The following EFCAB14 variants were observed in gnomAD, a reference collection of about 807,000 sequenced individuals.
EFCAB14 encodes EF-hand calcium binding domain 14, also known as EF-hand calcium-binding domain-containing protein 14.
A neutral mutation model predicts 56.5 loss-of-function variants in EFCAB14; 43 were observed. The observed-to-expected ratio is 0.76, with a 90% CI of 0.60 to 0.98. The LOEUF is 0.98. EFCAB14 is among the 50% of genes least tolerant of loss of function. The pLI is 0.00. For synonymous variants in EFCAB14, 235 were observed against 212.9 expected (o/e 1.10, Z -0.90); for missense variants, 538 against 580.3 (o/e 0.93, Z 0.75).
At chr1:46,683,559 G>T in intron 9 of EFCAB14, 134 bp from the exon 10 acceptor site, 1 of 947,948 alleles carries the variant, frequency 1.1e-6, no homozygotes. Flanking sequence ...AAGTAGCATA[G>T]TGACTATGTG....
intron 2 of EFCAB14, among the ~76,000 whole-genome samples, chr1:46,711,375 G>A (rs999131715): frequency 6.6e-5 from 10 of 152,210 alleles, no homozygotes; most frequent in African/African-American, 1.4e-4. Context: ...CAGTCTATAC[G>A]CATGAACTAG....
intron 2 of EFCAB14, among the ~76,000 whole-genome samples, chr1:46,714,428 CTA>C (rs1677355593): frequency 1.5e-5 from 2 of 131,178 alleles, no homozygotes; most frequent in Non-Finnish European, 1.6e-5. Context: ...TTCAGTGTTG[CTA>C]AAAAAAAAAA....
At chr1:46,709,958 A>T (rs1342851955) in intron 2 of EFCAB14, among the ~76,000 whole-genome samples, 1 of 152,198 alleles carries the variant, frequency 6.6e-6, no homozygotes, top group Non-Finnish European at 1.5e-5. Context: ...ACCGCACTCC[A>T]GCCTGTGCGG....
rs962417923 is a variant in EFCAB14, at chr1:46,688,682, T to C, written c.796-138A>G. The C allele has an allele frequency of 5.2e-6, 4 of 770,332 alleles. No individual in the cohort carries two copies. The African/African-American group carries it at 7.0e-5, about 14-fold the overall frequency. The allele number at this position is 770,332 out of a possible 1,614,324, so 47.7% of individuals were successfully genotyped here. Reference sequence around the variant, plus strand: ...CCTGGTTTTGACCATCAATCGTCTGTCTTTGCTTTGTCCCTCGCACTCTAA... The same window carrying C: ...CCTGGTTTTGACCATCAATCGTCTGCCTTTGCTTTGTCCCTCGCACTCTAA... On this transcript the variant is annotated intron_variant, in intron 6 of 10. Coordinates refer to ENST00000371933, the MANE Select transcript of EFCAB14 (RefSeq NM_014774.3).
chr1:46,685,095 C>T (rs191533325), intron 8 of EFCAB14: 9 of 152,708 alleles, frequency 5.9e-5, no homozygotes, highest in African/African-American at 1.9e-4. Context: ...CAAGTTTTCC[C>T]CTGATCTTTC....
intron 3 of EFCAB14, among the ~76,000 whole-genome samples, chr1:46,697,272 G>A (rs1164290495): frequency 6.6e-6 from 1 of 152,168 alleles, no homozygotes; most frequent in East Asian, 1.9e-4. Context: ...AATACTCACT[G>A]ACTCACTGAC....
rs1446118623 is a variant in EFCAB14 at position 46,718,014 on chromosome 1, C to A, written c.74G>T (p.Gly25Val). Reference protein sequence around the residue: ...GDSRRKKPKKGPSSHRLLRTE... With the variant: ...GDSRRKKPKKVPSSHRLLRTE... Reference sequence around the variant, plus strand: ...GCGAAGCAGGCGGTGACTGCTTGGGCCTTTCTTGGGCTTCTTTCTCCGGCT... The same window carrying A: ...GCGAAGCAGGCGGTGACTGCTTGGGACTTTCTTGGGCTTCTTTCTCCGGCT... The change falls in exon 1 of 11, where the codon GGC (glycine) becomes GTC (valine). Residue 25 changes from glycine (G) to valine (V), a missense_variant. Gly to Val is a moderately radical substitution (Grantham distance 109). Transcript: ENST00000371933. 1.2e-6 allele frequency: 2 copies of A among 1,614,206 alleles called. No individual in the cohort carries two copies. Among genetic ancestry groups the A allele is most frequent in the African/African-American group, 1.3e-5 (1 of 75,062 alleles).
chr1:46,688,451 C>G lies in EFCAB14; in HGVS notation c.889G>C (p.Glu297Gln). The G allele has an allele frequency of 6.2e-7, 1 of 1,613,966 alleles. No homozygotes were observed. ...QNDLKLEGMN[E>Q]TVSNLTQRVN... ...CTCTGGGTAAGATTACTGACTGTCT[C>G]GTTCATTCCCTCGAGTTTAAGATCA... Residue 297 changes from glutamate (E) to glutamine (Q), a missense_variant, in exon 7 of 11, where the codon GAG (glutamate) becomes CAG (glutamine). Glu to Gln is a conservative substitution (Grantham distance 29). Transcript: ENST00000371933.
intron 10 of EFCAB14, among the ~76,000 whole-genome samples, chr1:46,681,663 G>GTTTTTTTTTT (rs10654448): frequency 1.3e-5 from 2 of 149,224 alleles, no homozygotes; most frequent in African/African-American, 2.5e-5. Flanking sequence ...GAAGAGTTCT[G>GTTTTTTTTTT]TTTTTTTTTT....
At chr1:46,711,271 A>G (rs1677304427) in intron 2 of EFCAB14, among the ~76,000 whole-genome samples, 1 of 152,156 alleles carries the variant, frequency 6.6e-6, no homozygotes, top group South Asian at 2.1e-4. Flanking sequence ...TTTCCTATAC[A>G]TTTTCAGTTA....
At position 46,683,428 on chromosome 1, in the gene EFCAB14, G is replaced by T; in HGVS notation, c.1187-3C>A. On this transcript the variant is annotated splice_region_variant and splice_polypyrimidine_tract_variant and intron_variant, in intron 9 of 10. Transcript: ENST00000371933. The stretch of plus-strand genomic sequence containing the variant: ...TGATGTGAAACTCTCTACTTGCTCT[G>T]TAACAAATACATAAGGTTTTATTTA... 3 of 1,612,496 alleles carry T rather than the reference G, an allele frequency of 1.9e-6. No individual in the cohort carries two copies. Among genetic ancestry groups the T allele is most frequent in the Non-Finnish European group, 2.5e-6 (3 of 1,179,482 alleles).
intron 3 of EFCAB14, among the ~76,000 whole-genome samples, chr1:46,703,281 T>G (rs2148847839): frequency 6.6e-6 from 1 of 152,288 alleles, no homozygotes; most frequent in East Asian, 1.9e-4. Flanking sequence ...GGCTAATTTT[T>G]GTATTTTTAG....
At position 46,718,149 on chromosome 1, in the gene EFCAB14, A is replaced by G. The variant is rs191897802; in HGVS notation, c.-62T>C. ...GCTGCCAGGTTCGTACCCGATGCCC[A>G]ATTCTCTTCCTGCCTTGGAGCTGCC... is the stretch of plus-strand genomic sequence containing the variant. On this transcript the variant is annotated 5_prime_UTR_variant, in exon 1 of 11. Transcript: ENST00000371933. 2.6e-4 allele frequency: 408 copies of G among 1,554,572 alleles called. 4 individuals carry two copies. In the African/African-American group the frequency reaches 5.0e-3, roughly 19 times the overall value.
chr1:46,679,923 A>G (rs780063381), intron 10 of EFCAB14, among the ~76,000 whole-genome samples: 2 of 152,146 alleles, frequency 1.3e-5, no homozygotes, highest in South Asian at 4.1e-4. Flanking sequence ...TACCTAGTCC[A>G]GTGCTCTTTC....
chr1:46,699,666 C>T (rs1194123337), intron 3 of EFCAB14, among the ~76,000 whole-genome samples: 2 of 152,086 alleles, frequency 1.3e-5, no homozygotes, highest in African/African-American at 4.8e-5. Flanking sequence ...ATAATAATAA[C>T]AACAACAACT....
intron 3 of EFCAB14, among the ~76,000 whole-genome samples, chr1:46,705,763 G>A (rs955962671): frequency 9.9e-5 from 15 of 151,956 alleles, no homozygotes; most frequent in Non-Finnish European, 2.1e-4. Flanking sequence ...TGTATGTATC[G>A]CTCACGTTTA....
intron 4 of EFCAB14, 131 bp from the exon 5 acceptor site, chr1:46,692,068 T>A (rs1156736942): frequency 1.6e-6 from 1 of 623,844 alleles, no homozygotes; most frequent in Non-Finnish European, 2.7e-6. Flanking sequence ...AGTACTACAA[T>A]CAAGATAATA....
intron 3 of EFCAB14, among the ~76,000 whole-genome samples, chr1:46,704,051 G>C (rs552119549): frequency 6.6e-6 from 1 of 152,152 alleles, no homozygotes; most frequent in African/African-American, 2.4e-5. Flanking sequence ...ATCTAGGTGA[G>C]ATACATACTT....
At position 46,684,558 on chromosome 1, in the gene EFCAB14, T is replaced by C. The variant is rs1352689551; in HGVS notation, c.1119A>G (p.Lys373=). 7.4e-6 allele frequency: 12 copies of C among 1,613,938 alleles called. No homozygotes were observed. The highest frequency in any genetic ancestry group is 1.0e-5 in the Non-Finnish European group (12 of 1,179,992). Residue 373 remains lysine, a synonymous_variant, in exon 9 of 11, where the codon AAA becomes AAG. Transcript: ENST00000371933. Reference sequence around the variant, plus strand: ...TTGTAAGAGCACTGATCAGCTGGAGTTTCTCTCTTAGCTTGGATACCTGAG... The same window carrying C: ...TTGTAAGAGCACTGATCAGCTGGAGCTTCTCTCTTAGCTTGGATACCTGAG... The part of the protein sequence containing the change: ...SNSQVSKLRE[K]LQLISALTNK...
Sources: gnomAD v4.1 joint callset for allele counts (sites outside exome capture counted in the v4.1 genomes callset) on GRCh38, gnomAD v4.1.1 for gene constraint, MANE v1.5 for transcripts, NCBI Gene and HGNC (gene_info 2026-07-23, HGNC 2026-07-21) for gene names.